Variants in METTL16 observed in about 807,000 individuals in gnomAD.
The protein encoded by METTL16 is methyltransferase 16, RNA N6-adenosine, also known as RNA N(6)-adenosine-methyltransferase METTL16.
A neutral mutation model predicts 57.9 loss-of-function variants in METTL16; 19 were observed. The ratio of observed to expected loss-of-function variants is 0.33; its 90% confidence interval spans 0.23 to 0.48. The LOEUF (loss-of-function observed/expected upper bound fraction) is 0.48, where lower values mean the gene tolerates loss of function less well. Among genes scored for constraint, METTL16 ranks in the 20% least tolerant of loss-of-function variants. The pLI, the probability that METTL16 is intolerant of heterozygous loss-of-function variation, is 0.99. For missense variants in METTL16, 434 were observed against 691.5 expected, an observed-to-expected ratio of 0.63 and a Z score of 4.18; for synonymous variants, 246 against 255.6, an observed-to-expected ratio of 0.96 and a Z score of 0.36.
chr17:2,440,527 G>T (rs908974334), intron 7 of METTL16, among the ~76,000 whole-genome samples: 1 of 151,766 alleles, frequency 6.6e-6, no homozygotes, highest in African/African-American at 2.4e-5. Context: ...GATTACAGGC[G>T]TGAGCCACTG....
At chr17:2,466,920 A>G (rs762347783) in intron 5 of METTL16, among the ~76,000 whole-genome samples, 15 of 151,852 alleles carry the variant, frequency 9.9e-5, no homozygotes, top group Non-Finnish European at 2.1e-4. Flanking sequence ...CTCCCACCTC[A>G]GCCTCCCAAG....
intron 2 of METTL16, among the ~76,000 whole-genome samples, chr17:2,481,941 G>A (rs1007383813): frequency 2.0e-5 from 3 of 152,130 alleles, no homozygotes; most frequent in African/African-American, 7.2e-5. Context: ...GGTACATGAG[G>A]CTGCTTTTAG....
chr17:2,426,600 G>C (rs1326594770), intron 8 of METTL16, among the ~76,000 whole-genome samples: 2 of 151,044 alleles, frequency 1.3e-5, no homozygotes, highest in East Asian at 3.9e-4. Flanking sequence ...ATGGTGGCAC[G>C]TGTCTATAAT....
At chr17:2,473,975 T>C (rs527857145) in intron 3 of METTL16, among the ~76,000 whole-genome samples, 54 of 152,318 alleles carry the variant, frequency 3.5e-4, no homozygotes, top group African/African-American at 1.3e-3. Flanking sequence ...ATGTCATACA[T>C]GTTATGGCTA....
chr17:2,471,762 T>G (rs994699904), intron 4 of METTL16, among the ~76,000 whole-genome samples: 4 of 151,930 alleles, frequency 2.6e-5, no homozygotes, highest in Non-Finnish European at 5.9e-5. Context: ...CACTCCAGCC[T>G]GGCGACAGAG....
At chr17:2,510,760 T>C (rs748731852) in intron 1 of METTL16, among the ~76,000 whole-genome samples, 36 of 151,848 alleles carry the variant, frequency 2.4e-4, no homozygotes, top group Non-Finnish European at 7.4e-5. Flanking sequence ...ACTCCTGAGA[T>C]CAAGCAATCC....
chr17:2,417,068 T>TTTTTC lies in METTL16; in HGVS notation c.*2901_*2902insGAAAA, dbSNP rs2066723476. On this transcript the variant is annotated 3_prime_UTR_variant, in exon 10 of 10. Transcript: ENST00000263092. ...CCTGCTCATGGGTTCCTTTTTTTTT[T>TTTTTC]TTTTTTTTTTTTTTTTTGAGACAGT... 1.6e-5 allele frequency: 2 copies of TTTTTC among 121,364 alleles called. No individual in the cohort carries two copies. Among genetic ancestry groups the TTTTTC allele is most frequent in the Non-Finnish European group, 3.4e-5 (2 of 59,290 alleles). 7.5% of individuals were successfully genotyped at this position (121,364 alleles called of 1,614,324 possible). A position where few individuals can be genotyped will look rare whatever the true frequency, so the allele number is the denominator to read the frequency against.
At chr17:2,479,349 T>TC (rs1555619958) in intron 2 of METTL16, among the ~76,000 whole-genome samples, 2 of 150,216 alleles carry the variant, frequency 1.3e-5, no homozygotes, top group South Asian at 2.1e-4. Context: ...TTTTTTTTTT[T>TC]CGTAGAGAAA....
intron 7 of METTL16, among the ~76,000 whole-genome samples, chr17:2,440,348 A>C (rs2066939453): frequency 6.6e-6 from 1 of 151,980 alleles, no homozygotes; most frequent in African/African-American, 2.4e-5. Flanking sequence ...TCCCAGGTTC[A>C]AGAGATTCTC....
intron 2 of METTL16, among the ~76,000 whole-genome samples, chr17:2,484,732 A>G (rs2067329689): frequency 6.6e-6 from 1 of 152,042 alleles, no homozygotes; most frequent in South Asian, 2.1e-4. Context: ...GACCTCAGGC[A>G]TACTGCCTGC....
intron 1 of METTL16, among the ~76,000 whole-genome samples, chr17:2,510,446 C>T (rs2067579469): frequency 6.6e-6 from 1 of 152,206 alleles, no homozygotes; most frequent in African/African-American, 2.4e-5. Flanking sequence ...TAGCTGACAT[C>T]AGTGCACACA....
At chr17:2,431,638 C>A (rs946714643) in intron 8 of METTL16, among the ~76,000 whole-genome samples, 2 of 152,016 alleles carry the variant, frequency 1.3e-5, no homozygotes, top group Non-Finnish European at 2.9e-5. Context: ...GCTGGATGGT[C>A]TATCCAGTAT....
At chr17:2,471,765 C>A (rs565341461) in intron 4 of METTL16, among the ~76,000 whole-genome samples, 34 of 151,648 alleles carry the variant, frequency 2.2e-4, no homozygotes, top group Admixed American at 1.3e-4. Context: ...TCCAGCCTGG[C>A]GACAGAGCGA....
chr17:2,458,211 C>T (rs958451269), intron 6 of METTL16, among the ~76,000 whole-genome samples: 2 of 152,042 alleles, frequency 1.3e-5, no homozygotes, highest in African/African-American at 4.8e-5. Flanking sequence ...ATTACCCATC[C>T]CAAAATAGGT....
chr17:2,475,486 C>G (rs962587097), intron 3 of METTL16, among the ~76,000 whole-genome samples: 7 of 152,190 alleles, frequency 4.6e-5, no homozygotes, highest in Non-Finnish European at 8.8e-5. Context: ...AACTGCCTCT[C>G]TCTTCAAACT....
chr17:2,511,071 C>G (rs961737813), intron 1 of METTL16, among the ~76,000 whole-genome samples: 1 of 151,884 alleles, frequency 6.6e-6, no homozygotes, highest in Non-Finnish European at 1.5e-5. Context: ...CACGATAGAA[C>G]TCTTCCCTGT....
chr17:2,463,728 G>A (rs1308256831), intron 6 of METTL16, among the ~76,000 whole-genome samples: 2 of 151,792 alleles, frequency 1.3e-5, no homozygotes, highest in East Asian at 3.9e-4. Context: ...CCAAAGTGCT[G>A]GGATTACAGG....
At chr17:2,498,011 G>A (rs1054629874) in intron 2 of METTL16, among the ~76,000 whole-genome samples, 5 of 151,596 alleles carry the variant, frequency 3.3e-5, no homozygotes, top group Non-Finnish European at 7.4e-5. Flanking sequence ...TGGCTAACAC[G>A]GTGAAACCCC....
In METTL16 at chr17:2,438,108, C is replaced by T. The variant is rs2066921715; in HGVS notation, c.888+1G>A. Reference sequence around the variant, plus strand: ...TGAAGCGGAGCAAGGTCTGTACTTACTGGTACTGTGACATCATCATAAAAA... The same window carrying T: ...TGAAGCGGAGCAAGGTCTGTACTTATTGGTACTGTGACATCATCATAAAAA... On this transcript the variant is annotated splice_donor_variant, in intron 8 of 9. Transcript: ENST00000263092. LOFTEE classifies it high-confidence loss of function. 6.2e-7 allele frequency: 1 copy of T among 1,609,906 alleles called. No individual in the cohort carries two copies. Among genetic ancestry groups the T allele is most frequent in the South Asian group, 1.1e-5 (1 of 90,990 alleles).
Sources: allele counts gnomAD v4.1 joint callset (sites outside exome capture counted in the v4.1 genomes callset), GRCh38; gene constraint gnomAD v4.1.1; transcripts MANE v1.5; gene names NCBI Gene and HGNC (gene_info 2026-07-23, HGNC 2026-07-21).